The following MALRD1 variants were observed in gnomAD, a reference collection of about 807,000 sequenced individuals.
The protein encoded by MALRD1 is MAM and LDL receptor class A domain containing 1.
MALRD1 carries 247 observed loss-of-function variants against 242.1 expected under a neutral mutation model. The observed-to-expected ratio is 1.02, with a 90% confidence interval of 0.92 to 1.13. The LOEUF is 1.13. Ranked by LOEUF, MALRD1 falls within the 50% of genes most tolerant of loss-of-function variation. The pLI is 0.00. For missense variants in MALRD1, 2,989 were observed against 2,533.1 expected, an observed-to-expected ratio of 1.18 and a Z score of -3.86; for synonymous variants, 995 against 866.6, an observed-to-expected ratio of 1.15 and a Z score of -2.60.
chr10:19,396,763 C>A (rs1279927874), intron 28 of MALRD1, among the ~76,000 whole-genome samples: 1 of 152,120 alleles, frequency 6.6e-6, no homozygotes, highest in African/African-American at 2.4e-5. Context: ...ATTAATAAAT[C>A]TATAGATGTA....
intron 14 of MALRD1, among the ~76,000 whole-genome samples, chr10:19,198,115 G>C (rs144876434): frequency 6.6e-6 from 1 of 152,016 alleles, no homozygotes; most frequent in Non-Finnish European, 1.5e-5. Flanking sequence ...CAAAGTGGTA[G>C]TATACATAGA....
At chr10:19,471,878 A>G (rs1185660988) in intron 29 of MALRD1, among the ~76,000 whole-genome samples, 3 of 151,850 alleles carry the variant, frequency 2.0e-5, no homozygotes, top group Non-Finnish European at 2.9e-5. Context: ...AACAGAGACA[A>G]CTTTACTTTT....
intron 36 of MALRD1, among the ~76,000 whole-genome samples, chr10:19,663,372 A>T (rs1177736580): frequency 6.6e-6 from 1 of 151,994 alleles, no homozygotes; most frequent in Non-Finnish European, 1.5e-5. Context: ...TTTCTTATGG[A>T]TGAGTAGTAT....
chr10:19,306,125 ATATATAG>A (rs1483457940), intron 21 of MALRD1, among the ~76,000 whole-genome samples: 16 of 82,482 alleles, frequency 1.9e-4, no homozygotes, highest in South Asian at 2.8e-4. Context: ...ACTATCTAGT[ATATATAG>A]TATAGTATAT....
chr10:19,247,682 A>G (rs1346706793), intron 18 of MALRD1, among the ~76,000 whole-genome samples: 1 of 152,110 alleles, frequency 6.6e-6, no homozygotes, highest in African/African-American at 2.4e-5. Flanking sequence ...CATTAACATT[A>G]TATTTTTATT....
intron 34 of MALRD1, among the ~76,000 whole-genome samples, chr10:19,600,264 T>A (rs959372987): frequency 6.6e-6 from 1 of 152,190 alleles, no homozygotes; most frequent in Non-Finnish European, 1.5e-5. Context: ...TCCTCTGCAT[T>A]TACCAGCTTC....
At chr10:19,500,715 A>T (rs1306349175) in intron 31 of MALRD1, among the ~76,000 whole-genome samples, 21 of 152,260 alleles carry the variant, frequency 1.4e-4, no homozygotes, top group Non-Finnish European at 2.1e-4. Context: ...TAGAAGGGCC[A>T]ACACATAATG....
chr10:19,155,070 T>A lies in MALRD1; in HGVS notation c.1559-5T>A, dbSNP rs1834090088. ...ATCCCTATGACTTTCCCTTTGTTTT[T>A]TCAGGATCGTTTATTTATTTGGAGG... On this transcript the variant is annotated splice_region_variant and splice_polypyrimidine_tract_variant and intron_variant, in intron 11 of 39. Coordinates refer to ENST00000454679, the MANE Select transcript of MALRD1 (RefSeq NM_001142308.3). 8.1e-7 allele frequency: 1 copy of A among 1,231,108 alleles called. No homozygotes were observed. The highest frequency in any genetic ancestry group is 3.2e-5 in the East Asian group (1 of 31,686). 76.3% of individuals were successfully genotyped at this position (1,231,108 alleles called of 1,614,324 possible).
intron 29 of MALRD1, among the ~76,000 whole-genome samples, chr10:19,451,857 T>A (rs1835345737): frequency 6.6e-6 from 1 of 152,066 alleles, no homozygotes; most frequent in South Asian, 2.1e-4. Flanking sequence ...TTAAATAAAA[T>A]CAGAAATTAT....
chr10:19,238,465 TATAATATATAA>T (rs1564492549), intron 18 of MALRD1, among the ~76,000 whole-genome samples: 3 of 40,358 alleles, frequency 7.4e-5, no homozygotes, highest in Admixed American at 6.4e-4. Flanking sequence ...TAATATATAA[TATAATATATAA>T]TATACATTAT....
At chr10:19,494,485 A>G (rs1275486355) in intron 30 of MALRD1, among the ~76,000 whole-genome samples, 1 of 152,192 alleles carries the variant, frequency 6.6e-6, no homozygotes, top group East Asian at 1.9e-4. Context: ...AACAAATACT[A>G]TTGAGATTCA....
intron 33 of MALRD1, among the ~76,000 whole-genome samples, chr10:19,581,490 A>G (rs1837122476): frequency 6.6e-6 from 1 of 151,466 alleles, no homozygotes; most frequent in African/African-American, 2.4e-5. Flanking sequence ...TGTTCTTGTG[A>G]CAGTTTACTG....
chr10:19,522,613 C>T (rs993634072), intron 31 of MALRD1, among the ~76,000 whole-genome samples: 3 of 152,074 alleles, frequency 2.0e-5, no homozygotes, highest in Admixed American at 6.5e-5. Context: ...TTTAAGCCAT[C>T]TTTTATTTGT....
chr10:19,163,404 G>A (rs1359889709), intron 12 of MALRD1, among the ~76,000 whole-genome samples: 2 of 150,728 alleles, frequency 1.3e-5, no homozygotes, highest in African/African-American at 4.9e-5. Flanking sequence ...CACAGGAAAA[G>A]GAAACCAAAT....
chr10:19,094,888 C>G (rs1431538020), intron 4 of MALRD1, among the ~76,000 whole-genome samples: 1 of 152,168 alleles, frequency 6.6e-6, no homozygotes, highest in East Asian at 1.9e-4. Context: ...AAATGATAAT[C>G]TAATGATTAT....
chr10:19,591,937 A>G (rs1837810806), intron 33 of MALRD1, among the ~76,000 whole-genome samples: 2 of 152,234 alleles, frequency 1.3e-5, no homozygotes, highest in African/African-American at 4.8e-5. Flanking sequence ...TTATAGTAGA[A>G]TACAGAATTT....
At chr10:19,049,247 T>G in intron 1 of MALRD1, 110 bp downstream of exon 1, 1 of 729,760 alleles carries the variant, frequency 1.4e-6, no homozygotes, top group Non-Finnish European at 1.9e-6. Context: ...ATGCATTGTA[T>G]CTTGTATACC....
intron 28 of MALRD1, among the ~76,000 whole-genome samples, chr10:19,434,005 C>A (rs1230224767): frequency 6.6e-6 from 1 of 151,984 alleles, no homozygotes; most frequent in South Asian, 2.1e-4. Flanking sequence ...TAATTGGAAA[C>A]CCTGGAAAAC....
chr10:19,118,519 T>C (rs1836952933), intron 5 of MALRD1, among the ~76,000 whole-genome samples: 1 of 152,208 alleles, frequency 6.6e-6, no homozygotes, highest in Non-Finnish European at 1.5e-5. Context: ...CTGGAATCAA[T>C]AGAAAGTAAT....
Sources: allele counts gnomAD v4.1 joint callset (sites outside exome capture counted in the v4.1 genomes callset), GRCh38; gene constraint gnomAD v4.1.1; transcripts MANE v1.5; gene names NCBI Gene and HGNC (gene_info 2026-07-23, HGNC 2026-07-21).